The following PRKCQ variants were observed in gnomAD, a reference collection of about 807,000 sequenced individuals.
The protein encoded by PRKCQ is protein kinase C theta type.
PRKCQ carries 41 observed loss-of-function variants against 91.2 expected under a neutral mutation model. The observed-to-expected ratio is 0.45, with a 90% CI of 0.35 to 0.58. The LOEUF is 0.58. Ranked by LOEUF, PRKCQ falls within the 20% of genes least tolerant of loss-of-function variation. The pLI is 0.00. For missense variants in PRKCQ, 673 were observed against 896.5 expected (o/e 0.75, Z 3.18); for synonymous variants, 307 against 316.9 (o/e 0.97, Z 0.33).
intron 1 of PRKCQ, among the ~76,000 whole-genome samples, chr10:6,548,906 T>A (rs1174997214): frequency 1.3e-5 from 2 of 152,050 alleles, no homozygotes; most frequent in African/African-American, 4.8e-5. Context: ...AAAAAGAAGA[T>A]GTTATACTTA....
At chr10:6,441,759 T>C in intron 16 of PRKCQ, 134 bp downstream of exon 16, 1 of 878,198 alleles carries the variant, frequency 1.1e-6, no homozygotes. Flanking sequence ...ACACAGACGG[T>C]GCACATCCCA....
chr10:6,454,365 C>G (rs1266432863), intron 15 of PRKCQ, among the ~76,000 whole-genome samples: 1 of 151,968 alleles, frequency 6.6e-6, no homozygotes, highest in East Asian at 1.9e-4. Flanking sequence ...AGGGTAACAG[C>G]AGTAAGGGCG....
chr10:6,490,309 C>T (rs182616142), intron 8 of PRKCQ, among the ~76,000 whole-genome samples: 2 of 152,118 alleles, frequency 1.3e-5, no homozygotes, highest in East Asian at 1.9e-4. Context: ...GATGCTGTGC[C>T]GCCTTCCATC....
At chr10:6,423,035 A>G (rs1343566290), downstream of PRKCQ, among the ~76,000 whole-genome samples, 2 of 152,140 alleles carry the variant, frequency 1.3e-5, no homozygotes, top group African/African-American at 2.4e-5. Context: ...GCTCTTCACT[A>G]TGCTTATTTC....
the PRKCQ span, among the ~76,000 whole-genome samples, chr10:6,416,673 T>C: frequency 2.0e-5 from 3 of 152,238 alleles, no homozygotes; most frequent in African/African-American, 7.2e-5. Context: ...GTTATAAGCA[T>C]ACATGTGCAA....
chr10:6,457,989 AGGC>A, intron 14 of PRKCQ, among the ~76,000 whole-genome samples: 1 of 151,758 alleles, frequency 6.6e-6, no homozygotes, highest in Non-Finnish European at 1.5e-5. Flanking sequence ...CCTGTCATCC[AGGC>A]TGGAGTGCAG....
At chr10:6,404,660 TTTTC>T in the PRKCQ span, among the ~76,000 whole-genome samples, 9 of 145,868 alleles carry the variant, frequency 6.2e-5, no homozygotes, top group South Asian at 1.8e-3. Flanking sequence ...TTTTTTCTCT[TTTTC>T]TTTCTCTCTT....
chr10:6,522,489 G>A lies in PRKCQ; in HGVS notation c.-9-7345C>T, dbSNP rs530317564. Among the ~76,000 whole-genome samples, 15 of 152,270 alleles carry A rather than the reference G, an allele frequency of 9.9e-5. No individual in the cohort carries two copies. In the South Asian group the frequency reaches 2.7e-3, roughly 27 times the overall value. ...CCTCCACAATTCAAACTCCCAGAAT[G>A]CGTTTATAGAGATGCTGAGGATGTC... On this transcript the variant is annotated intron_variant, in intron 1 of 17. Coordinates refer to ENST00000263125, the MANE Select transcript of PRKCQ (RefSeq NM_006257.5).
Position 6,430,099 on chromosome 10 carries a change from C to A in PRKCQ, c.1965+711G>T, listed in dbSNP as rs1018433533. On this transcript the variant is annotated intron_variant, in intron 17 of 17. Coordinates refer to ENST00000263125, the MANE Select transcript of PRKCQ (RefSeq NM_006257.5). This position sits in a 1 kb window ranked among gnomAD's most constrained non-coding sequence, Gnocchi z 4.7. The stretch of plus-strand genomic sequence containing the variant: ...CGAACTCCTGACCTCAGGTGATCCA[C>A]CCGCCTCGGCTTTCCAAAGTGCTGG... 2.0e-5 allele frequency among the ~76,000 whole-genome samples: 3 copies of A among 152,220 alleles called. No individual in the cohort carries two copies. Among genetic ancestry groups the A allele is most frequent in the African/African-American group, 7.2e-5 (3 of 41,460 alleles).
At chr10:6,530,157 C>T (rs1399262856) in intron 1 of PRKCQ, among the ~76,000 whole-genome samples, 1 of 152,190 alleles carries the variant, frequency 6.6e-6, no homozygotes, top group Non-Finnish European at 1.5e-5. Context: ...GGGCAAACCT[C>T]TCCTTCCTAG....
chr10:6,437,943 G>A (rs1477017278), intron 16 of PRKCQ, among the ~76,000 whole-genome samples: 7 of 152,094 alleles, frequency 4.6e-5, no homozygotes, highest in Non-Finnish European at 8.8e-5. Context: ...GTGAGCCACC[G>A]TGCCCGGCTC....
At chr10:6,480,922 C>T (rs1245986276) in intron 11 of PRKCQ, among the ~76,000 whole-genome samples, 1 of 152,140 alleles carries the variant, frequency 6.6e-6, no homozygotes, top group Non-Finnish European at 1.5e-5. Context: ...AGAGAACACA[C>T]AATTTGTTTT....
chr10:6,518,947 T>C (rs1356990524), intron 1 of PRKCQ, among the ~76,000 whole-genome samples: 1 of 152,266 alleles, frequency 6.6e-6, no homozygotes, highest in African/African-American at 2.4e-5. Context: ...TCATACACTT[T>C]CATACAATGC....
chr10:6,499,171 AC>A (rs908959401), intron 4 of PRKCQ, among the ~76,000 whole-genome samples: 3 of 152,136 alleles, frequency 2.0e-5, no homozygotes, highest in African/African-American at 7.2e-5. Flanking sequence ...AACCATATTT[AC>A]CAATGTGAAA....
intron 1 of PRKCQ, among the ~76,000 whole-genome samples, chr10:6,541,660 A>C (rs17555802): frequency 1.3e-5 from 2 of 152,300 alleles, no homozygotes; most frequent in African/African-American, 2.4e-5. Context: ...TGAATTTAGT[A>C]AGTCCATGTT....
the PRKCQ span, among the ~76,000 whole-genome samples, chr10:6,419,024 A>G: frequency 7.1e-6 from 1 of 139,918 alleles, no homozygotes; most frequent in Non-Finnish European, 1.6e-5. Context: ...TGTATCTATC[A>G]TCTATCTACC....
chr10:6,486,908 G>A (rs1417648177), intron 8 of PRKCQ, among the ~76,000 whole-genome samples: 1 of 152,102 alleles, frequency 6.6e-6, no homozygotes, highest in Non-Finnish European at 1.5e-5. Flanking sequence ...AAGGGATGGA[G>A]TAGGAGGAGG....
rs766334967 is a variant in PRKCQ at position 6,576,111 on chromosome 10, ATGTAAAAC to A, written c.-10+4092_-10+4099del. Among the ~76,000 whole-genome samples, 24 of 152,306 alleles carry A rather than the reference ATGTAAAAC, an allele frequency of 1.6e-4. No individual in the cohort carries two copies. Among genetic ancestry groups the A allele is most frequent in the Non-Finnish European group, 2.2e-4 (15 of 68,026 alleles). ...GGGACCCTTTCTACCACTGGTGGGAATGTAAAACGGTCCAGCCACTGTGGAAAACAATA... is the reference window on the plus strand; with the variant it reads ...GGGACCCTTTCTACCACTGGTGGGAAGGTCCAGCCACTGTGGAAAACAATA... On this transcript the variant is annotated intron_variant, in intron 1 of 17. Coordinates refer to ENST00000263125, the MANE Select transcript of PRKCQ (RefSeq NM_006257.5). The surrounding 1 kb of genome is among the most constrained non-coding windows in gnomAD (Gnocchi z 4.2).
chr10:6,533,778 G>A (rs1341684183), intron 1 of PRKCQ, among the ~76,000 whole-genome samples: 3 of 152,132 alleles, frequency 2.0e-5, no homozygotes, highest in African/African-American at 4.8e-5. Context: ...TAAACTCAAC[G>A]GGAAAGGGAA....
Sources: gnomAD v4.1 joint callset for allele counts (sites outside exome capture counted in the v4.1 genomes callset) on GRCh38, gnomAD v4.1.1 for gene constraint, Gnocchi (gnomAD v3.1) non-coding constraint, MANE v1.5 for transcripts, NCBI Gene and HGNC (gene_info 2026-07-23, HGNC 2026-07-21) for gene names.